CAMTA1: variants seen among roughly 807,000 people sequenced by gnomAD.
CAMTA1 encodes calmodulin-binding transcription activator 1.
A neutral mutation model predicts 170.9 loss-of-function variants in CAMTA1; 27 were observed. That is an observed-to-expected ratio of 0.16 (90% CI 0.12 to 0.22). The LOEUF (loss-of-function observed/expected upper bound fraction) is 0.22. Among genes scored for constraint, CAMTA1 ranks in the 10% least tolerant of loss-of-function variants. The pLI, the probability that CAMTA1 is intolerant of heterozygous loss-of-function variation, is 1.00. For synonymous variants in CAMTA1, 833 were observed against 891.5 expected (o/e 0.93, Z 1.17); for missense variants, 1,619 against 2,217.2 (o/e 0.73, Z 5.42).
Position 7,673,371 on chromosome 1 carries a change from A to T in CAMTA1, c.2779+2334A>T, listed in dbSNP as rs964183990. 6.6e-6 allele frequency among the ~76,000 whole-genome samples: 1 copy of T among 152,196 alleles called. No individual in the cohort carries two copies. The highest frequency in any genetic ancestry group is 1.5e-5 in the Non-Finnish European group (1 of 68,026). ...GCCTGCCAGCAGGGCGAGAGCAGTGAGTGAGAGGAGGTGTGTGAAGCACCT... is the reference window on the plus strand; with the variant it reads ...GCCTGCCAGCAGGGCGAGAGCAGTGTGTGAGAGGAGGTGTGTGAAGCACCT... On this transcript the variant is annotated intron_variant, in intron 10 of 22. Transcript: ENST00000303635. The surrounding 1 kb of genome is among the most constrained non-coding windows in gnomAD (Gnocchi z 4.6).
chr1:6,960,604 G>A (rs974264136), intron 3 of CAMTA1, among the ~76,000 whole-genome samples: 1 of 152,174 alleles, frequency 6.6e-6, no homozygotes, highest in South Asian at 2.1e-4. Flanking sequence ...ATGTCCCACA[G>A]CACTCTGTTG....
At chr1:7,102,848 A>G (rs1221224326) in intron 4 of CAMTA1, among the ~76,000 whole-genome samples, 5 of 151,968 alleles carry the variant, frequency 3.3e-5, no homozygotes, top group Non-Finnish European at 7.4e-5. Context: ...GAGCCCTTTT[A>G]TTCCTGAGCT....
rs2095699177 is a variant in CAMTA1, at chr1:7,634,919, C to A, written c.511-5481C>A. On this transcript the variant is annotated intron_variant, in intron 6 of 22. Coordinates refer to ENST00000303635, the MANE Select transcript of CAMTA1 (RefSeq NM_015215.4). The surrounding 1 kb of genome is among the most constrained non-coding windows in gnomAD (Gnocchi z 6.2). ...GTGAGAAAGAGGCGCAGCTTCCATGCTTATGGGTGAGGAGCCTGAGGCACC... is the reference window on the plus strand; with the variant it reads ...GTGAGAAAGAGGCGCAGCTTCCATGATTATGGGTGAGGAGCCTGAGGCACC... Among the ~76,000 whole-genome samples, 1 of 152,156 alleles carries A rather than the reference C, an allele frequency of 6.6e-6. No homozygotes were observed. The highest frequency in any genetic ancestry group is 2.4e-5 in the African/African-American group (1 of 41,434).
intron 11 of CAMTA1, among the ~76,000 whole-genome samples, chr1:7,688,578 G>A (rs1273151272): frequency 2.0e-5 from 3 of 152,190 alleles, no homozygotes; most frequent in Admixed American, 1.3e-4. Context: ...CCATGGAGAA[G>A]AGAAGACACA....
intron 5 of CAMTA1, among the ~76,000 whole-genome samples, chr1:7,318,966 C>T (rs951158926): frequency 7.9e-5 from 12 of 152,154 alleles, no homozygotes; most frequent in African/African-American, 2.7e-4. Context: ...TGAAAATGGA[C>T]GACTGGAGTC....
chr1:7,569,656 ATAT>A (rs1442389698), intron 6 of CAMTA1, among the ~76,000 whole-genome samples: 2 of 149,766 alleles, frequency 1.3e-5, no homozygotes, highest in East Asian at 1.9e-4. Context: ...CACCATCATC[ATAT>A]TATTACTATT....
chr1:7,245,150 A>G (rs999291135), intron 4 of CAMTA1, among the ~76,000 whole-genome samples: 27 of 150,892 alleles, frequency 1.8e-4, no homozygotes, highest in Non-Finnish European at 3.2e-4. Context: ...TATCTAGTCA[A>G]TAGTTTATAT....
chr1:7,072,658 G>A (rs1045975615), intron 3 of CAMTA1, among the ~76,000 whole-genome samples: 7 of 152,222 alleles, frequency 4.6e-5, no homozygotes, highest in Non-Finnish European at 7.3e-5. Context: ...AGTGTGTCAG[G>A]GGATGTTGCT....
chr1:7,161,662 G>A (rs1429208553), intron 4 of CAMTA1, among the ~76,000 whole-genome samples: 2 of 152,172 alleles, frequency 1.3e-5, no homozygotes, highest in Non-Finnish European at 2.9e-5. Context: ...TGATTGTGAG[G>A]CCTCCCCAGC....
intron 5 of CAMTA1, among the ~76,000 whole-genome samples, chr1:7,260,064 C>G (rs538182535): frequency 6.6e-6 from 1 of 152,212 alleles, no homozygotes; most frequent in Non-Finnish European, 1.5e-5. Context: ...GACTGTCCGT[C>G]CCAACAATTC....
chr1:7,514,810 C>G (rs2149913150), intron 6 of CAMTA1, among the ~76,000 whole-genome samples: 1 of 152,298 alleles, frequency 6.6e-6, no homozygotes, highest in South Asian at 2.1e-4. Context: ...TGAGAATGTT[C>G]CATTCGGGGC....
At chr1:6,947,078 C>A (rs1036021977) in intron 3 of CAMTA1, among the ~76,000 whole-genome samples, 1 of 152,150 alleles carries the variant, frequency 6.6e-6, no homozygotes, top group Non-Finnish European at 1.5e-5. Flanking sequence ...CTATTTTCCC[C>A]CATTGAATTA....
At chr1:7,639,215 G>A (rs982502932) in intron 6 of CAMTA1, among the ~76,000 whole-genome samples, 8 of 152,154 alleles carry the variant, frequency 5.3e-5, no homozygotes, top group Admixed American at 3.3e-4. Context: ...TTCTGACCTC[G>A]TGATCCGCCT....
intron 3 of CAMTA1, among the ~76,000 whole-genome samples, chr1:6,992,321 C>T (rs1164252282): frequency 2.6e-5 from 4 of 152,032 alleles, no homozygotes; most frequent in African/African-American, 4.8e-5. Context: ...ATCTACCTGC[C>T]TCAGCCTCCC....
chr1:7,741,035 G>A (rs1171615526), intron 16 of CAMTA1, among the ~76,000 whole-genome samples: 1 of 152,144 alleles, frequency 6.6e-6, no homozygotes, highest in African/African-American at 2.4e-5. Context: ...AGCAATTATC[G>A]ATAGTGTGGT....
intron 6 of CAMTA1, among the ~76,000 whole-genome samples, chr1:7,549,645 C>T (rs1376935425): frequency 6.6e-6 from 1 of 152,146 alleles, no homozygotes; most frequent in Non-Finnish European, 1.5e-5. Context: ...CACTATCAAT[C>T]AGACAATGTC....
intron 6 of CAMTA1, among the ~76,000 whole-genome samples, chr1:7,480,396 A>AGTGT (rs377104355): frequency 8.3e-4 from 125 of 149,722 alleles, no homozygotes; most frequent in African/African-American, 2.8e-3. Flanking sequence ...CGTATATGAG[A>AGTGT]GTGTGTGTGT....
chr1:7,467,774 C>G, intron 5 of CAMTA1, 56 bp from the exon 6 acceptor site: 1,365 of 1,151,712 alleles, frequency 1.2e-3, no homozygotes, highest in Non-Finnish European at 1.7e-3. Context: ...CGCCGTCTTC[C>G]TTCCTTCCTT....
At chr1:7,423,145 G>C (rs1446330085) in intron 5 of CAMTA1, among the ~76,000 whole-genome samples, 1 of 152,188 alleles carries the variant, frequency 6.6e-6, no homozygotes, top group South Asian at 2.1e-4. Context: ...TGGGGGCCTG[G>C]CCCCGGGCCA....
Sources: gnomAD v4.1 joint callset for allele counts (sites outside exome capture counted in the v4.1 genomes callset) on GRCh38, gnomAD v4.1.1 for gene constraint, Gnocchi (gnomAD v3.1) non-coding constraint, MANE v1.5 for transcripts, NCBI Gene and HGNC (gene_info 2026-07-23, HGNC 2026-07-21) for gene names.